Variants in SNTG1 observed in about 807,000 individuals in gnomAD.
SNTG1 encodes the protein gamma-1-syntrophin.
Under a neutral mutation model 74.7 loss-of-function variants are expected in SNTG1, and 39 were observed. That is an observed-to-expected ratio of 0.52 (90% confidence interval 0.40 to 0.68). The LOEUF is 0.68. SNTG1 is among the 30% of genes least tolerant of loss of function. The pLI is 0.00. For synonymous variants in SNTG1, 254 were observed against 217.1 expected (o/e 1.17, Z -1.49); for missense variants, 685 against 609.5 (o/e 1.12, Z -1.30).
At chr8:50,699,803 G>C (rs1469910073) in intron 15 of SNTG1, among the ~76,000 whole-genome samples, 3 of 152,154 alleles carry the variant, frequency 2.0e-5, no homozygotes, top group African/African-American at 4.8e-5. Context: ...GTTAGGAAAT[G>C]ATACGAATAT....
chr8:50,594,352 C>A (rs1331181875), intron 13 of SNTG1, among the ~76,000 whole-genome samples: 1 of 152,028 alleles, frequency 6.6e-6, no homozygotes, highest in East Asian at 1.9e-4. Context: ...CAATAAGTTT[C>A]TTCTATAATT....
chr8:50,530,731 A>G (rs2094260125), intron 10 of SNTG1, among the ~76,000 whole-genome samples: 1 of 152,214 alleles, frequency 6.6e-6, no homozygotes, highest in Non-Finnish European at 1.5e-5. Context: ...CATGTAAAGA[A>G]CGTTTAACTA....
At chr8:50,701,727 C>CTTCTTCTTT (rs1563761701) in intron 15 of SNTG1, among the ~76,000 whole-genome samples, 4 of 112,638 alleles carry the variant, frequency 3.6e-5, no homozygotes, top group Non-Finnish European at 5.4e-5. Context: ...TCTTTTTCTT[C>CTTCTTCTTT]TTCTTTTTCT....
intron 2 of SNTG1, among the ~76,000 whole-genome samples, chr8:50,356,136 G>A (rs1403403155): frequency 6.6e-6 from 1 of 151,890 alleles, no homozygotes; most frequent in African/African-American, 2.4e-5. Context: ...CGGTGGGTTT[G>A]TTTTTTTCAA....
chr8:50,070,921 C>T (rs927285900), intron 1 of SNTG1, among the ~76,000 whole-genome samples: 1 of 152,134 alleles, frequency 6.6e-6, no homozygotes, highest in African/African-American at 2.4e-5. Flanking sequence ...TCGTCTCCTT[C>T]TTCATGGAGG....
At chr8:49,987,776 G>A (rs1813310903) in intron 1 of SNTG1, among the ~76,000 whole-genome samples, 1 of 151,654 alleles carries the variant, frequency 6.6e-6, no homozygotes, top group African/African-American at 2.4e-5. Context: ...AGCCTCCTGG[G>A]TAGCTGGGAC....
At chr8:50,289,044 CAACATGTTTTACATTTTGCTTTGCAAAGT>C (rs2088943195) in intron 2 of SNTG1, among the ~76,000 whole-genome samples, 1 of 152,102 alleles carries the variant, frequency 6.6e-6, no homozygotes, top group African/African-American at 2.4e-5. Flanking sequence ...GATTCTGTTG[CAACATGTTTTACATTTTGCTTTGCAAAGT>C]TCCTCTAAGA....
At chr8:50,637,847 AAG>A (rs1409026492) in intron 13 of SNTG1, among the ~76,000 whole-genome samples, 1 of 152,174 alleles carries the variant, frequency 6.6e-6, no homozygotes, top group Non-Finnish European at 1.5e-5. Flanking sequence ...TGTAAGGTAC[AAG>A]AGTTAATTAA....
intron 8 of SNTG1, among the ~76,000 whole-genome samples, chr8:50,485,987 G>A (rs1283608065): frequency 0.098 from 9,021 of 92,212 alleles, no homozygotes; most frequent in Non-Finnish European, 0.16. Context: ...TTGTAGATAT[G>A]CGGCGTTATT....
Position 50,617,378 on chromosome 8 carries a change from TCACACACA to T in SNTG1, c.849+26490_849+26497del, listed in dbSNP as rs3999830. The stretch of plus-strand genomic sequence containing the variant: ...CACCAATTAAGATCAAGTAAGCATT[TCACACACA>T]CACACACACACACACACACACACAC... On this transcript the variant is annotated intron_variant, in intron 13 of 18. Transcript: ENST00000642720. 9.8e-4 allele frequency among the ~76,000 whole-genome samples: 144 copies of T among 147,038 alleles called. 1 individual carries two copies. The South Asian group carries it at 0.012, about 12-fold the overall frequency.
rs138261334 is a variant in SNTG1, at chr8:49,998,945, A to C, written c.-103+86714A>C. On this transcript the variant is annotated intron_variant, in intron 1 of 18. Transcript: ENST00000642720. ...GATAACTGTGTGTGCAGACTTCTAT[A>C]GACTGGCAACACAGTCTATAAAATG... Among the ~76,000 whole-genome samples, 3 of 152,322 alleles carry C rather than the reference A, an allele frequency of 2.0e-5. No individual in the cohort carries two copies. The East Asian group carries it at 5.8e-4, about 29-fold the overall frequency.
At chr8:50,068,877 T>G (rs1207490739) in intron 1 of SNTG1, among the ~76,000 whole-genome samples, 3 of 152,210 alleles carry the variant, frequency 2.0e-5, no homozygotes, top group Admixed American at 2.0e-4. Context: ...TGCGTCTTCC[T>G]AATCTATTCA....
intron 1 of SNTG1, among the ~76,000 whole-genome samples, chr8:50,042,508 C>T (rs935624680): frequency 1.3e-5 from 2 of 152,068 alleles, no homozygotes; most frequent in African/African-American, 2.4e-5. Context: ...TTGCAGTGAA[C>T]CATGATAGCA....
chr8:50,436,645 T>C (rs1483380453), intron 4 of SNTG1, among the ~76,000 whole-genome samples: 2 of 152,184 alleles, frequency 1.3e-5, no homozygotes, highest in Non-Finnish European at 2.9e-5. Context: ...ATTAGCATCA[T>C]TGGCACATTG....
chr8:50,234,736 A>C (rs2085802580), intron 2 of SNTG1, among the ~76,000 whole-genome samples: 1 of 152,098 alleles, frequency 6.6e-6, no homozygotes, highest in Admixed American at 6.5e-5. Flanking sequence ...AATATTATAA[A>C]AACCCAACAA....
intron 2 of SNTG1, among the ~76,000 whole-genome samples, chr8:50,321,793 G>A (rs1264731544): frequency 2.0e-5 from 3 of 151,976 alleles, no homozygotes; most frequent in Non-Finnish European, 2.9e-5. Flanking sequence ...AAACATATAA[G>A]CAAAAAGAAA....
chr8:49,991,006 C>G (rs1371651718), intron 1 of SNTG1, among the ~76,000 whole-genome samples: 1 of 151,974 alleles, frequency 6.6e-6, no homozygotes, highest in African/African-American at 2.4e-5. Flanking sequence ...CAAAGGGCAG[C>G]CTAGAAAACT....
chr8:50,733,065 T>G (rs945088748), intron 17 of SNTG1, among the ~76,000 whole-genome samples: 3 of 152,006 alleles, frequency 2.0e-5, no homozygotes, highest in African/African-American at 4.8e-5. Flanking sequence ...TGATAGACAG[T>G]TTTTCAACAG....
At chr8:50,621,348 G>A (rs2094922350) in intron 13 of SNTG1, among the ~76,000 whole-genome samples, 1 of 152,140 alleles carries the variant, frequency 6.6e-6, no homozygotes, top group South Asian at 2.1e-4. Flanking sequence ...CAAGCACAAA[G>A]TAGGTGATTC....
Sources: allele counts gnomAD v4.1 joint callset (sites outside exome capture counted in the v4.1 genomes callset), GRCh38; gene constraint gnomAD v4.1.1; transcripts MANE v1.5; gene names NCBI Gene and HGNC (gene_info 2026-07-23, HGNC 2026-07-21).